Variants in RNLS observed in about 807,000 individuals in gnomAD.
The protein encoded by RNLS is renalase.
In RNLS, 39 loss-of-function variants were observed where a neutral mutation model predicts 39.8. The observed-to-expected ratio is 0.98, with a 90% CI of 0.76 to 1.28. The LOEUF (loss-of-function observed/expected upper bound fraction) is 1.28, where lower values mean the gene tolerates loss of function less well. Among genes scored for constraint, RNLS ranks in the 50% most tolerant of loss-of-function variants. The pLI is 0.00. For synonymous variants in RNLS, 147 were observed against 150.7 expected (o/e 0.98, Z 0.18); for missense variants, 410 against 413.3 (o/e 0.99, Z 0.07).
intron 4 of RNLS, among the ~76,000 whole-genome samples, chr10:88,480,913 T>C (rs139637377): frequency 1.2e-4 from 18 of 152,230 alleles, no homozygotes; most frequent in African/African-American, 3.6e-4. Context: ...TTATGTTTTT[T>C]AGTTGACTGA....
intron 4 of RNLS, among the ~76,000 whole-genome samples, chr10:88,491,707 C>T (rs964656256): frequency 6.6e-5 from 10 of 152,102 alleles, no homozygotes; most frequent in Non-Finnish European, 1.3e-4. Flanking sequence ...TTAAGATTTC[C>T]TCATTATGAA....
intron 6 of RNLS, among the ~76,000 whole-genome samples, chr10:88,301,278 G>T (rs934453935): frequency 1.3e-5 from 2 of 152,134 alleles, no homozygotes; most frequent in Non-Finnish European, 2.9e-5. Flanking sequence ...TCAATGATCA[G>T]AATTTCTCAG....
At chr10:88,468,253 T>G (rs1843323102) in intron 4 of RNLS, among the ~76,000 whole-genome samples, 1 of 152,134 alleles carries the variant, frequency 6.6e-6, no homozygotes, top group African/African-American at 2.4e-5. Context: ...AGAAAAATGA[T>G]TTTACCAAAC....
At chr10:88,531,421 C>A (rs142762819) in intron 4 of RNLS, among the ~76,000 whole-genome samples, 1 of 151,812 alleles carries the variant, frequency 6.6e-6, no homozygotes, top group Admixed American at 6.6e-5. Flanking sequence ...ATTTGAAAAA[C>A]CCCCGTTAGA....
In RNLS at chr10:88,537,425, T is replaced by C. The variant is rs144275133; in HGVS notation, c.526+35478A>G. 4.7e-4 allele frequency among the ~76,000 whole-genome samples: 72 copies of C among 152,302 alleles called. 2 individuals carry two copies. In the East Asian group the frequency reaches 9.6e-3, roughly 20 times the overall value. On this transcript the variant is annotated intron_variant, in intron 4 of 6. Transcript: ENST00000331772. ...ACAAGAATGTTCACAGGAGCGCTAT[T>C]TATAATAGTACAGACTGGAAAACTA...
intron 4 of RNLS, among the ~76,000 whole-genome samples, chr10:88,548,691 T>A (rs866279569): frequency 6.8e-6 from 1 of 147,946 alleles, no homozygotes; most frequent in African/African-American, 2.5e-5. Flanking sequence ...CATTTATATA[T>A]AATATATATT....
At position 88,523,835 on chromosome 10, in the gene RNLS, C is replaced by T. The variant is rs117364411; in HGVS notation, c.526+49068G>A. 3.6e-3 allele frequency among the ~76,000 whole-genome samples: 543 copies of T among 152,248 alleles called. 4 individuals are homozygous for T. The highest frequency in any genetic ancestry group is 0.027 in the Middle Eastern group (8 of 294). On this transcript the variant is annotated intron_variant, in intron 4 of 6. Coordinates refer to ENST00000331772, the MANE Select transcript of RNLS (RefSeq NM_001031709.3). ...ACTCAATTTATAAATTCACTCCTTC[C>T]TCCCTTACCATTGAGCCAGGACAAT...
chr10:88,210,989 A>G, the RNLS span, among the ~76,000 whole-genome samples: 1 of 152,046 alleles, frequency 6.6e-6, no homozygotes, highest in Non-Finnish European at 1.5e-5. Context: ...AAATAGTAGT[A>G]TATTTTCTAA....
chr10:88,437,956 G>A (rs890489440), intron 4 of RNLS, among the ~76,000 whole-genome samples: 5 of 151,860 alleles, frequency 3.3e-5, no homozygotes, highest in Admixed American at 6.6e-5. Context: ...GAGAAACCCC[G>A]TCTCTACTAA....
At chr10:88,351,651 A>G (rs1009363816) in intron 5 of RNLS, among the ~76,000 whole-genome samples, 1 of 152,334 alleles carries the variant, frequency 6.6e-6, no homozygotes, top group Admixed American at 6.5e-5. Context: ...TATAGTTTGA[A>G]GTCAGGTAGC....
At chr10:88,400,439 T>A (rs1852844289) in intron 4 of RNLS, among the ~76,000 whole-genome samples, 1 of 152,034 alleles carries the variant, frequency 6.6e-6, no homozygotes, top group Non-Finnish European at 1.5e-5. Flanking sequence ...CTCCACTGAA[T>A]ATACTCTTTC....
chr10:88,349,038 C>T (rs1473866896), intron 5 of RNLS, among the ~76,000 whole-genome samples: 7 of 152,074 alleles, frequency 4.6e-5, no homozygotes, highest in South Asian at 2.1e-4. Context: ...TGTTTCATGA[C>T]GGTAGGGACT....
chr10:88,217,802 G>T, the RNLS span, among the ~76,000 whole-genome samples: 1 of 145,418 alleles, frequency 6.9e-6, no homozygotes, highest in African/African-American at 2.6e-5. Context: ...AACTTTGGGA[G>T]GCCAAAGCGG....
chr10:88,379,071 G>A (rs59184458), intron 4 of RNLS, among the ~76,000 whole-genome samples: 16,100 of 152,166 alleles, frequency 0.11, 1,060 homozygotes, highest in East Asian at 0.37. Flanking sequence ...ACAAACATAT[G>A]AGCAATGCAT....
At chr10:88,454,710 G>A (rs1842535920) in intron 4 of RNLS, among the ~76,000 whole-genome samples, 1 of 152,184 alleles carries the variant, frequency 6.6e-6, no homozygotes, top group South Asian at 2.1e-4. Flanking sequence ...CTCAATCTGG[G>A]TAGATTTATC....
At chr10:88,292,883 A>G (rs894172864) in intron 6 of RNLS, among the ~76,000 whole-genome samples, 8 of 142,722 alleles carry the variant, frequency 5.6e-5, no homozygotes, top group Non-Finnish European at 1.1e-4. Context: ...CTCTACTTAG[A>G]AAAAAAAAAA....
intron 5 of RNLS, among the ~76,000 whole-genome samples, chr10:88,319,997 C>T (rs1378009166): frequency 1.3e-5 from 2 of 151,466 alleles, no homozygotes; most frequent in African/African-American, 4.9e-5. Context: ...TCAGACTATC[C>T]AAGGTCAACA....
At chr10:88,462,456 C>A (rs953836594) in intron 4 of RNLS, among the ~76,000 whole-genome samples, 1 of 151,978 alleles carries the variant, frequency 6.6e-6, no homozygotes, top group Non-Finnish European at 1.5e-5. Context: ...TTGATTTCAT[C>A]TTTAATGAAC....
At chr10:88,357,122 T>C (rs968745225) in intron 5 of RNLS, among the ~76,000 whole-genome samples, 1 of 152,250 alleles carries the variant, frequency 6.6e-6, no homozygotes, top group African/African-American at 2.4e-5. Context: ...ATTATAATAA[T>C]ACGTACCATA....
Sources: gnomAD v4.1 joint callset for allele counts (sites outside exome capture counted in the v4.1 genomes callset) on GRCh38, gnomAD v4.1.1 for gene constraint, MANE v1.5 for transcripts, NCBI Gene and HGNC (gene_info 2026-07-23, HGNC 2026-07-21) for gene names.